The following SPPL3 variants were observed in gnomAD, a reference collection of about 807,000 sequenced individuals.
The protein encoded by SPPL3 is signal peptide peptidase like 3.
Under a neutral mutation model 42.4 loss-of-function variants are expected in SPPL3, and 5 were observed. The ratio of observed to expected loss-of-function variants is 0.12; its 90% CI spans 0.06 to 0.25. The LOEUF is 0.25. Among genes scored for constraint, SPPL3 ranks in the 10% least tolerant of loss-of-function variants. The pLI is 1.00. For synonymous variants in SPPL3, 195 were observed against 181.8 expected, an observed-to-expected ratio of 1.07 and a Z score of -0.58; for missense variants, 235 against 489.0, an observed-to-expected ratio of 0.48 and a Z score of 4.90.
chr12:120,875,566 T>C (rs181056328), intron 1 of SPPL3, among the ~76,000 whole-genome samples: 10 of 151,710 alleles, frequency 6.6e-5, no homozygotes, highest in East Asian at 1.9e-4. Context: ...GAGGTGAAGG[T>C]TGCAGTCAGC....
At chr12:120,769,424 T>C (rs1349373688) in intron 6 of SPPL3, 6 of 177,844 alleles carry the variant, frequency 3.4e-5, no homozygotes, top group Non-Finnish European at 7.2e-5. Context: ...CCCCCTTTCA[T>C]TCACTGGAGG....
At chr12:120,828,759 T>C (rs527499607) in intron 1 of SPPL3, among the ~76,000 whole-genome samples, 2 of 152,294 alleles carry the variant, frequency 1.3e-5, no homozygotes, top group Non-Finnish European at 2.9e-5. Flanking sequence ...AAAGAAAGTC[T>C]TTTTTGTTTG....
chr12:120,783,437 G>A (rs373559670), intron 5 of SPPL3, among the ~76,000 whole-genome samples: 1 of 152,136 alleles, frequency 6.6e-6, no homozygotes, highest in Non-Finnish European at 1.5e-5. Flanking sequence ...ATCTAAGTAG[G>A]AAGCACATTA....
chr12:120,850,510 A>C (rs979493783), intron 1 of SPPL3, among the ~76,000 whole-genome samples: 21 of 151,280 alleles, frequency 1.4e-4, no homozygotes, highest in South Asian at 2.1e-4. Context: ...AAAAAAAAAA[A>C]AAACAAAAGC....
At chr12:120,857,907 A>C (rs1442594290) in intron 1 of SPPL3, among the ~76,000 whole-genome samples, 1 of 152,156 alleles carries the variant, frequency 6.6e-6, no homozygotes, top group African/African-American at 2.4e-5. Context: ...GCAGCAAACT[A>C]CCATGGCACA....
chr12:120,819,402 A>G (rs1870980293), intron 1 of SPPL3, among the ~76,000 whole-genome samples: 1 of 152,210 alleles, frequency 6.6e-6, no homozygotes, highest in South Asian at 2.1e-4. Context: ...CTGAAAAATC[A>G]TATTGTTAGT....
intron 2 of SPPL3, among the ~76,000 whole-genome samples, chr12:120,798,914 T>A (rs1870197577): frequency 6.6e-6 from 1 of 152,166 alleles, no homozygotes; most frequent in Non-Finnish European, 1.5e-5. Flanking sequence ...GCCTCTCCCA[T>A]GAGACTGGGT....
intron 1 of SPPL3, among the ~76,000 whole-genome samples, chr12:120,889,304 C>T (rs1220142629): frequency 6.6e-6 from 1 of 152,198 alleles, no homozygotes; most frequent in East Asian, 1.9e-4. Context: ...GCATTAGAGG[C>T]ATTAATTCCT....
chr12:120,819,158 T>C (rs1251436951), intron 1 of SPPL3, among the ~76,000 whole-genome samples: 1 of 152,210 alleles, frequency 6.6e-6, no homozygotes, highest in Non-Finnish European at 1.5e-5. Context: ...TACACTAAAA[T>C]TCAACAAGTG....
chr12:120,902,683 T>C (rs1476724112), intron 1 of SPPL3, among the ~76,000 whole-genome samples: 2 of 152,216 alleles, frequency 1.3e-5, no homozygotes, highest in Non-Finnish European at 2.9e-5. Flanking sequence ...CATTCTATTA[T>C]GCTCTTTTCT....
intron 1 of SPPL3, among the ~76,000 whole-genome samples, chr12:120,895,216 T>C (rs1359323619): frequency 6.6e-6 from 1 of 152,078 alleles, no homozygotes. Flanking sequence ...TCACCTGAGA[T>C]CAGGAGTTGG....
intron 1 of SPPL3, among the ~76,000 whole-genome samples, chr12:120,886,606 C>G (rs1298528277): frequency 6.6e-6 from 1 of 152,160 alleles, no homozygotes; most frequent in African/African-American, 2.4e-5. Context: ...TTTCTTCCTC[C>G]TGTGAATTTA....
At chr12:120,882,905 C>T (rs1014060810) in intron 1 of SPPL3, among the ~76,000 whole-genome samples, 1 of 148,792 alleles carries the variant, frequency 6.7e-6, no homozygotes, top group Admixed American at 6.7e-5. Flanking sequence ...TAAAACCAAT[C>T]ACAGAGGTAA....
intron 5 of SPPL3, among the ~76,000 whole-genome samples, chr12:120,783,402 A>G (rs1216050656): frequency 6.6e-6 from 1 of 152,220 alleles, no homozygotes; most frequent in Non-Finnish European, 1.5e-5. Flanking sequence ...CACCGTTTCA[A>G]AAGAAAACTG....
chr12:120,823,187 T>A (rs541378337), intron 1 of SPPL3, among the ~76,000 whole-genome samples: 2 of 93,666 alleles, frequency 2.1e-5, no homozygotes, highest in African/African-American at 8.3e-5. Context: ...AAGGTGTCTG[T>A]GAGAGACGGA....
chr12:120,806,849 A>AG (rs1317220035), intron 2 of SPPL3, among the ~76,000 whole-genome samples: 15 of 93,684 alleles, frequency 1.6e-4, no homozygotes, highest in African/African-American at 7.1e-4. Context: ...TCCATTAAAA[A>AG]AAAAAAAGAA....
At chr12:120,855,708 A>C (rs1216107061) in intron 1 of SPPL3, among the ~76,000 whole-genome samples, 3 of 145,296 alleles carry the variant, frequency 2.1e-5, no homozygotes, top group African/African-American at 5.4e-5. Context: ...AAAAAAAAAG[A>C]AAAGAAAAGA....
At chr12:120,853,675 T>C (rs924662402) in intron 1 of SPPL3, among the ~76,000 whole-genome samples, 3 of 152,170 alleles carry the variant, frequency 2.0e-5, no homozygotes, top group Non-Finnish European at 4.4e-5. Context: ...CCTGGAGGAC[T>C]TGTTAAAACA....
chr12:120,891,159 C>T (rs1036881439), intron 1 of SPPL3, among the ~76,000 whole-genome samples: 4 of 152,164 alleles, frequency 2.6e-5, no homozygotes, highest in Non-Finnish European at 5.9e-5. Flanking sequence ...ACTTGTTATT[C>T]CCTTTTTCCT....
Sources: allele counts gnomAD v4.1 joint callset (sites outside exome capture counted in the v4.1 genomes callset), GRCh38; gene constraint gnomAD v4.1.1; transcripts MANE v1.5; gene names NCBI Gene and HGNC (gene_info 2026-07-23, HGNC 2026-07-21).